The following ZPBP variants were observed in gnomAD, a reference collection of about 807,000 sequenced individuals.
ZPBP encodes the protein zona pellucida-binding protein 1.
Under a neutral mutation model 44.8 loss-of-function variants are expected in ZPBP, and 26 were observed. That is an observed-to-expected ratio of 0.58 (90% CI 0.43 to 0.81). The LOEUF (loss-of-function observed/expected upper bound fraction) is 0.81, where lower values mean the gene tolerates loss of function less well. Ranked by LOEUF, ZPBP falls within the 30% of genes least tolerant of loss-of-function variation. The probability of loss-of-function intolerance (pLI) is 0.00; values close to 1 mark genes in which losing one functional copy is unlikely to be tolerated. For missense variants in ZPBP, 409 were observed against 434.0 expected (o/e 0.94, Z 0.51); for synonymous variants, 174 against 153.2 (o/e 1.14, Z -1.00).
downstream of ZPBP, among the ~76,000 whole-genome samples, chr7:49,845,551 T>C (rs1361238462): frequency 6.6e-6 from 1 of 152,220 alleles, no homozygotes; most frequent in Non-Finnish European, 1.5e-5. Context: ...GTTGTCTGTG[T>C]GAAATTGGTC....
intron 5 of ZPBP, among the ~76,000 whole-genome samples, chr7:50,021,761 G>A (rs1799103426): frequency 6.6e-6 from 1 of 152,118 alleles, no homozygotes; most frequent in East Asian, 1.9e-4. Flanking sequence ...TGCTGAACAT[G>A]CAGAGATACT....
chr7:49,847,905 G>T (rs116325348), downstream of ZPBP, among the ~76,000 whole-genome samples: 2,170 of 152,276 alleles, frequency 0.014, 40 homozygotes, highest in African/African-American at 0.049. Flanking sequence ...ACTCACAGGT[G>T]AGTGGTTTAC....
At chr7:49,950,577 T>G (rs1005790295) in intron 7 of ZPBP, among the ~76,000 whole-genome samples, 2 of 151,788 alleles carry the variant, frequency 1.3e-5, no homozygotes, top group Non-Finnish European at 3.0e-5. Flanking sequence ...TGTATATATG[T>G]ATTTTATATG....
intron 6 of ZPBP, among the ~76,000 whole-genome samples, chr7:50,013,155 T>A (rs973992516): frequency 6.6e-6 from 1 of 151,910 alleles, no homozygotes; most frequent in Admixed American, 6.6e-5. Flanking sequence ...AGAGATAAAA[T>A]TATTACATAG....
At chr7:49,876,069 A>C (rs1319298781) in intron 2 of ZPBP, among the ~76,000 whole-genome samples, 2 of 152,134 alleles carry the variant, frequency 1.3e-5, no homozygotes, top group East Asian at 3.8e-4. Flanking sequence ...AATTGTTCAG[A>C]GTTTGTGGTT....
chr7:49,994,769 G>A (rs765140661), intron 6 of ZPBP, among the ~76,000 whole-genome samples: 18 of 152,232 alleles, frequency 1.2e-4, no homozygotes, highest in Admixed American at 6.5e-5. Flanking sequence ...AACCACCATC[G>A]GATTTGCTGG....
chr7:49,847,474 A>T (rs965989999), downstream of ZPBP, among the ~76,000 whole-genome samples: 1 of 151,888 alleles, frequency 6.6e-6, no homozygotes, highest in African/African-American at 2.4e-5. Context: ...ATTACTTGTG[A>T]CCCTCCCAAG....
intron 2 of ZPBP, among the ~76,000 whole-genome samples, chr7:49,876,957 G>A (rs1391465134): frequency 6.6e-6 from 1 of 151,958 alleles, no homozygotes; most frequent in Non-Finnish European, 1.5e-5. Flanking sequence ...CTTTTGACAG[G>A]TCTTCAAGAT....
At chr7:49,968,317 T>G (rs1044891767) in intron 7 of ZPBP, among the ~76,000 whole-genome samples, 1 of 152,060 alleles carries the variant, frequency 6.6e-6, no homozygotes, top group African/African-American at 2.4e-5. Context: ...TAAGAAACAA[T>G]ATTATAACAA....
At chr7:49,932,495 G>A (rs142513063), downstream of ZPBP, among the ~76,000 whole-genome samples, 5 of 152,332 alleles carry the variant, frequency 3.3e-5, no homozygotes, top group East Asian at 9.7e-4. Flanking sequence ...CTTCGTTTTG[G>A]CCAATTTCTC....
chr7:49,953,473 T>C (rs1795439218), intron 7 of ZPBP, among the ~76,000 whole-genome samples: 1 of 152,018 alleles, frequency 6.6e-6, no homozygotes, highest in African/African-American at 2.4e-5. Flanking sequence ...GTAAAGCACT[T>C]GGGAAGGTAG....
At chr7:50,048,136 A>G (rs1800479638) in intron 4 of ZPBP, among the ~76,000 whole-genome samples, 1 of 152,142 alleles carries the variant, frequency 6.6e-6, no homozygotes, top group African/African-American at 2.4e-5. Flanking sequence ...AAAACAAAAA[A>G]CAGACTTTAA....
chr7:49,899,121 C>T (rs1792567401), intron 2 of ZPBP, among the ~76,000 whole-genome samples: 1 of 151,944 alleles, frequency 6.6e-6, no homozygotes, highest in African/African-American at 2.4e-5. Flanking sequence ...AGACTATCCC[C>T]CCTTATCCAC....
chr7:50,066,687 A>G (rs1355317303), intron 3 of ZPBP, among the ~76,000 whole-genome samples: 1 of 152,226 alleles, frequency 6.6e-6, no homozygotes, highest in Admixed American at 6.5e-5. Flanking sequence ...CATTGTATTC[A>G]CATTTACTTA....
chr7:49,966,109 TA>T (rs1796048995), intron 7 of ZPBP, among the ~76,000 whole-genome samples: 1 of 152,068 alleles, frequency 6.6e-6, no homozygotes, highest in Non-Finnish European at 1.5e-5. Context: ...TAACAGAACT[TA>T]AAAATACTTG....
At chr7:50,045,872 C>T (rs1405475028) in intron 4 of ZPBP, among the ~76,000 whole-genome samples, 1 of 152,156 alleles carries the variant, frequency 6.6e-6, no homozygotes, top group Non-Finnish European at 1.5e-5. Flanking sequence ...AAGCTGGAGG[C>T]ATCATGCTAC....
At chr7:50,024,271 A>G (rs967024811) in intron 5 of ZPBP, among the ~76,000 whole-genome samples, 1 of 152,040 alleles carries the variant, frequency 6.6e-6, no homozygotes, top group African/African-American at 2.4e-5. Context: ...AATTAAAAAT[A>G]GAACTACCAT....
intron 3 of ZPBP, among the ~76,000 whole-genome samples, chr7:50,078,673 A>T (rs1241252349): frequency 6.6e-6 from 1 of 151,680 alleles, no homozygotes; most frequent in African/African-American, 2.4e-5. Flanking sequence ...CATGAACAAG[A>T]CTCCAAAAGC....
intron 6 of ZPBP, among the ~76,000 whole-genome samples, chr7:50,001,813 T>C (rs1445307101): frequency 1.3e-5 from 2 of 152,176 alleles, no homozygotes; most frequent in African/African-American, 2.4e-5. Context: ...AACATGACTA[T>C]TGTTAGTAGT....
Sources: allele counts gnomAD v4.1 joint callset (sites outside exome capture counted in the v4.1 genomes callset), GRCh38; gene constraint gnomAD v4.1.1; transcripts MANE v1.5; gene names NCBI Gene and HGNC (gene_info 2026-07-23, HGNC 2026-07-21).